The following DNM3 variants were observed in gnomAD, a reference collection of about 807,000 sequenced individuals.
The protein encoded by DNM3 is dynamin-3.
In DNM3, 47 loss-of-function variants were observed where a neutral mutation model predicts 101.6. That is an observed-to-expected ratio of 0.46 (90% CI 0.37 to 0.59). The LOEUF (loss-of-function observed/expected upper bound fraction) is 0.59. Ranked by LOEUF, DNM3 falls within the 20% of genes least tolerant of loss-of-function variation. The pLI is 0.00. For synonymous variants in DNM3, 385 were observed against 387.9 expected, an observed-to-expected ratio of 0.99 and a Z score of 0.09; for missense variants, 849 against 1,085.7, an observed-to-expected ratio of 0.78 and a Z score of 3.06.
At chr1:172,229,770 A>G (rs527239490) in intron 14 of DNM3, among the ~76,000 whole-genome samples, 13 of 152,234 alleles carry the variant, frequency 8.5e-5, no homozygotes, top group African/African-American at 3.1e-4. Flanking sequence ...ACACACATAC[A>G]TACATGTGTG....
intron 14 of DNM3, among the ~76,000 whole-genome samples, chr1:172,184,582 C>T (rs1209543772): frequency 6.6e-6 from 1 of 152,140 alleles, no homozygotes; most frequent in Non-Finnish European, 1.5e-5. Flanking sequence ...CAGGGCCTAA[C>T]TTGCCTTTTT....
chr1:172,396,402 A>G (rs1283617126), intron 20 of DNM3, among the ~76,000 whole-genome samples: 1 of 152,262 alleles, frequency 6.6e-6, no homozygotes, highest in African/African-American at 2.4e-5. Flanking sequence ...TTTAAACATT[A>G]GAAAACAGGA....
intron 14 of DNM3, among the ~76,000 whole-genome samples, chr1:172,194,969 C>T (rs1397811644): frequency 6.6e-6 from 1 of 152,040 alleles, no homozygotes; most frequent in Non-Finnish European, 1.5e-5. Flanking sequence ...ATGGTCTCTA[C>T]CATTTGGCAT....
intron 20 of DNM3, among the ~76,000 whole-genome samples, chr1:172,405,683 G>C (rs1022462980): frequency 1.3e-5 from 2 of 151,846 alleles, no homozygotes; most frequent in Non-Finnish European, 2.9e-5. Context: ...CCTCCTTAAA[G>C]CTCAAATTCT....
chr1:171,926,888 G>T (rs548660303), intron 2 of DNM3, among the ~76,000 whole-genome samples: 1 of 152,122 alleles, frequency 6.6e-6, no homozygotes, highest in Non-Finnish European at 1.5e-5. Context: ...TAAAGGGGAA[G>T]GAACTTCCTC....
intron 1 of DNM3, among the ~76,000 whole-genome samples, chr1:171,878,837 C>T (rs551908680): frequency 6.8e-6 from 1 of 148,096 alleles, no homozygotes; most frequent in East Asian, 2.0e-4. Context: ...CTCAAGCTTT[C>T]TTTTTTTTTT....
At chr1:171,881,941 A>G (rs2036300403) in intron 1 of DNM3, among the ~76,000 whole-genome samples, 1 of 152,236 alleles carries the variant, frequency 6.6e-6, no homozygotes, top group African/African-American at 2.4e-5. Context: ...TAGTACATTT[A>G]CAATAATTAT....
chr1:172,401,767 C>A (rs1029300238), intron 20 of DNM3, among the ~76,000 whole-genome samples: 2 of 152,164 alleles, frequency 1.3e-5, no homozygotes, highest in African/African-American at 4.8e-5. Flanking sequence ...TGCTGAATAG[C>A]ACCCTATAGT....
chr1:172,364,633 G>A (rs1165850469), intron 17 of DNM3, among the ~76,000 whole-genome samples: 7 of 151,900 alleles, frequency 4.6e-5, no homozygotes, highest in Non-Finnish European at 8.8e-5. Context: ...ACAGTGACAT[G>A]GTTTGGATCT....
chr1:172,282,565 CTT>C (rs747092978), intron 15 of DNM3, among the ~76,000 whole-genome samples: 1 of 152,038 alleles, frequency 6.6e-6, no homozygotes, highest in African/African-American at 2.4e-5. Context: ...GCCCTCAAGA[CTT>C]AAAAAAATGA....
intron 2 of DNM3, among the ~76,000 whole-genome samples, chr1:171,940,286 AT>A (rs2041725648): frequency 6.6e-6 from 1 of 152,046 alleles, no homozygotes; most frequent in Non-Finnish European, 1.5e-5. Flanking sequence ...CCCAAAGTGT[AT>A]TTGTTTCATA....
chr1:172,259,472 C>T (rs1317174300), intron 15 of DNM3, among the ~76,000 whole-genome samples: 3 of 151,868 alleles, frequency 2.0e-5, no homozygotes, highest in African/African-American at 4.8e-5. Context: ...TCATTATATC[C>T]TCTTGATGAA....
intron 18 of DNM3, among the ~76,000 whole-genome samples, chr1:172,381,913 G>A (rs1358749853): frequency 2.0e-5 from 3 of 152,092 alleles, no homozygotes; most frequent in East Asian, 1.9e-4. Flanking sequence ...CAAAAGCGGT[G>A]TTCTGGCCTT....
intron 17 of DNM3, among the ~76,000 whole-genome samples, chr1:172,372,072 C>G (rs1335398819): frequency 1.2e-4 from 12 of 101,194 alleles, no homozygotes; most frequent in African/African-American, 4.6e-4. Flanking sequence ...CCCCTCCCCC[C>G]ACCCCACAAC....
intron 14 of DNM3, among the ~76,000 whole-genome samples, chr1:172,231,588 G>C (rs1024262651): frequency 1.3e-5 from 2 of 152,192 alleles, no homozygotes; most frequent in Admixed American, 6.5e-5. Context: ...AACAAAGCTG[G>C]ATGGAGAATG....
chr1:171,859,477 T>C (rs1006243203), intron 1 of DNM3, among the ~76,000 whole-genome samples: 1 of 152,204 alleles, frequency 6.6e-6, no homozygotes, highest in African/African-American at 2.4e-5. Context: ...TATGGTAATT[T>C]CTGAATAATT....
Position 172,151,918 on chromosome 1 carries a change from C to T in DNM3, c.1659+20630C>T, listed in dbSNP as rs1047146721. ...TGTTTGTTTGAAACACTCTTCCACT[C>T]AGGCTGGAGTGCAGTGGTGCAGTAA... On this transcript the variant is annotated intron_variant, in intron 14 of 20. Transcript: ENST00000627582. Among the ~76,000 whole-genome samples the T allele has an allele frequency of 1.3e-5, 2 of 152,152 alleles. 1 individual carries two copies.
chr1:171,907,486 C>T (rs974670749), intron 1 of DNM3, among the ~76,000 whole-genome samples: 3 of 149,982 alleles, frequency 2.0e-5, no homozygotes, highest in Non-Finnish European at 3.0e-5. Context: ...AGTGAGACTC[C>T]GTCACAGAAA....
At chr1:172,242,260 T>C (rs1321820201) in intron 14 of DNM3, among the ~76,000 whole-genome samples, 1 of 152,132 alleles carries the variant, frequency 6.6e-6, no homozygotes, top group Non-Finnish European at 1.5e-5. Context: ...CATTTTAGTA[T>C]GTAGACTTTC....
Sources: allele counts gnomAD v4.1 joint callset (sites outside exome capture counted in the v4.1 genomes callset), GRCh38; gene constraint gnomAD v4.1.1; transcripts MANE v1.5; gene names NCBI Gene and HGNC (gene_info 2026-07-23, HGNC 2026-07-21).